RAP1A: variants seen among roughly 807,000 people sequenced by gnomAD.
RAP1A encodes ras-related protein Rap-1A.
A neutral mutation model predicts 26.4 loss-of-function variants in RAP1A; 6 were observed. The ratio of observed to expected loss-of-function variants is 0.23; its 90% CI spans 0.12 to 0.45. The LOEUF (loss-of-function observed/expected upper bound fraction) is 0.45. RAP1A is among the 20% of genes least tolerant of loss of function. The probability of loss-of-function intolerance (pLI) is 0.99; values close to 1 mark genes in which losing one functional copy is unlikely to be tolerated. For synonymous variants in RAP1A, 73 were observed against 79.4 expected (o/e 0.92, Z 0.43); for missense variants, 121 against 217.2 (o/e 0.56, Z 2.78).
Position 111,656,383 on chromosome 1 carries a change from AAAAT to A in RAP1A, c.-27-34944_-27-34941del, listed in dbSNP as rs544452709. Among the ~76,000 whole-genome samples, 32 of 152,342 alleles carry A rather than the reference AAAAT, an allele frequency of 2.1e-4. 1 individual carries two copies. In the East Asian group the frequency reaches 5.6e-3, roughly 27 times the overall value. ...GTTTGATTAATAAGTATCTACTATA[AAAAT>A]AAATAAGGCAAAACCCTTTTTGAAA... is the stretch of plus-strand genomic sequence containing the variant. On this transcript the variant is annotated intron_variant, in intron 1 of 7. Coordinates refer to ENST00000369709, the MANE Select transcript of RAP1A (RefSeq NM_002884.4).
upstream of RAP1A, among the ~76,000 whole-genome samples, chr1:111,614,790 C>A (rs534473324): frequency 7.2e-5 from 11 of 152,210 alleles, no homozygotes; most frequent in South Asian, 1.0e-3. Flanking sequence ...TTGAAGAGTA[C>A]CTTATTTTAT....
intron 1 of RAP1A, among the ~76,000 whole-genome samples, chr1:111,574,136 T>C (rs1658102628): frequency 6.6e-6 from 1 of 152,190 alleles, no homozygotes; most frequent in Admixed American, 6.5e-5. Flanking sequence ...TTTTTGTATA[T>C]AGTGTAAAGA....
intron 4 of RAP1A, among the ~76,000 whole-genome samples, chr1:111,702,490 T>C (rs1231879486): frequency 6.6e-6 from 1 of 152,102 alleles, no homozygotes; most frequent in East Asian, 1.9e-4. Context: ...CTAAAGGGGA[T>C]AGATAGTCAT....
chr1:111,579,423 G>A (rs1658209585), intron 1 of RAP1A, among the ~76,000 whole-genome samples: 1 of 152,186 alleles, frequency 6.6e-6, no homozygotes, highest in East Asian at 1.9e-4. Context: ...CATATCACAA[G>A]GGGAAAGGGA....
intron 1 of RAP1A, among the ~76,000 whole-genome samples, chr1:111,581,334 A>G (rs990970817): frequency 2.0e-5 from 3 of 152,216 alleles, no homozygotes; most frequent in Admixed American, 1.3e-4. Context: ...AAAGTTCTAC[A>G]GCAGTTTTTC....
intron 1 of RAP1A, chr1:111,648,981 T>A: frequency 1.6e-6 from 1 of 635,720 alleles, no homozygotes; most frequent in Non-Finnish European, 3.0e-6. Context: ...GATCTCTGGC[T>A]TCAGCTGCAG....
intron 2 of RAP1A, among the ~76,000 whole-genome samples, chr1:111,692,379 T>C (rs1167275875): frequency 6.6e-6 from 1 of 152,208 alleles, no homozygotes; most frequent in Non-Finnish European, 1.5e-5. Flanking sequence ...ATCAATATGG[T>C]GATGATATTT....
At chr1:111,655,576 T>C (rs2746444) in intron 1 of RAP1A, among the ~76,000 whole-genome samples, 9,229 of 151,152 alleles carry the variant, frequency 0.061, 301 homozygotes, top group South Asian at 0.087. Context: ...AGGGATATGG[T>C]GAAATGGGAC....
rs565455088 is a variant in RAP1A, at chr1:111,716,588, G to C, written c.*4187G>C. ...TGAGAAGCGGCCTCCTGTGGTTCTG[G>C]GCCCAAGGTGTGACATACATTTCCC... On this transcript the variant is annotated 3_prime_UTR_variant, in exon 8 of 8. Transcript: ENST00000369709. 23 of 152,218 alleles carry C rather than the reference G, an allele frequency of 1.5e-4. No homozygotes were observed. The South Asian group carries it at 4.6e-3, about 30-fold the overall frequency. 9.4% of individuals were successfully genotyped at this position (152,218 alleles called of 1,614,324 possible).
chr1:111,691,197 G>A (rs1661654628), intron 1 of RAP1A, 137 bp from the exon 2 acceptor site: 4 of 440,088 alleles, frequency 9.1e-6, no homozygotes, highest in Middle Eastern at 5.6e-4. Flanking sequence ...TATGGATTTT[G>A]CCATGTAGCT....
intron 1 of RAP1A, among the ~76,000 whole-genome samples, chr1:111,588,693 T>C (rs1290381980): frequency 1.3e-5 from 2 of 152,196 alleles, no homozygotes; most frequent in Non-Finnish European, 2.9e-5. Flanking sequence ...AAGCATCTTT[T>C]CCCTAGGAAG....
chr1:111,712,944 A>T lies in RAP1A; in HGVS notation c.*543A>T, dbSNP rs373098232. Reference sequence around the variant, plus strand: ...TATATTCTAATTAAAATTGTGCATAATGCTTTGGAAAAATGGGTCTTTTAT... The same window carrying T: ...TATATTCTAATTAAAATTGTGCATATTGCTTTGGAAAAATGGGTCTTTTAT... On this transcript the variant is annotated 3_prime_UTR_variant, in exon 8 of 8. Transcript: ENST00000369709. 2.0e-5 allele frequency: 3 copies of T among 152,538 alleles called. No individual in the cohort carries two copies. The East Asian group carries it at 5.8e-4, about 29-fold the overall frequency. The allele number at this position is 152,538 out of a possible 1,614,324, so 9.4% of individuals were successfully genotyped here. A position where few individuals can be genotyped will look rare whatever the true frequency, so the allele number is the denominator to read the frequency against.
At chr1:111,620,440 C>CG (rs879530725) in intron 1 of RAP1A, among the ~76,000 whole-genome samples, 3 of 142,452 alleles carry the variant, frequency 2.1e-5, no homozygotes, top group Non-Finnish European at 3.1e-5. Flanking sequence ...CCCGCGGGGG[C>CG]GGGGGGGAGG....
intron 1 of RAP1A, among the ~76,000 whole-genome samples, chr1:111,562,345 T>C (rs759993121): frequency 1.3e-5 from 2 of 152,210 alleles, no homozygotes; most frequent in Non-Finnish European, 2.9e-5. Flanking sequence ...TTATACCTTA[T>C]CTTTGACCCC....
intron 1 of RAP1A, among the ~76,000 whole-genome samples, chr1:111,555,993 G>A (rs1253784959): frequency 1.3e-5 from 2 of 152,114 alleles, no homozygotes; most frequent in South Asian, 2.1e-4. Context: ...CAGAATGGGA[G>A]AAAATATTTG....
At chr1:111,571,985 AC>A (rs1658056731) in intron 1 of RAP1A, among the ~76,000 whole-genome samples, 1 of 150,698 alleles carries the variant, frequency 6.6e-6, no homozygotes, top group Admixed American at 6.7e-5. Flanking sequence ...TAACAGAATG[AC>A]AGAAAGCAGG....
intron 1 of RAP1A, among the ~76,000 whole-genome samples, chr1:111,583,284 A>G (rs951726335): frequency 2.5e-5 from 2 of 80,194 alleles, no homozygotes; most frequent in Admixed American, 1.9e-4. Context: ...ATAAATGCTC[A>G]TGCTTTAAAA....
chr1:111,605,668 C>T (rs554840481), intron 1 of RAP1A, among the ~76,000 whole-genome samples: 1 of 152,220 alleles, frequency 6.6e-6, no homozygotes, highest in South Asian at 2.1e-4. Context: ...GCCAGAAATC[C>T]AAACACTGTT....
chr1:111,566,048 C>T lies in RAP1A; in HGVS notation c.-28+23539C>T, dbSNP rs183887054. On this transcript the variant is annotated intron_variant, in intron 1 of 7. Transcript: ENST00000356415. The stretch of plus-strand genomic sequence containing the variant: ...CCTGAAGTGCCAGCAAGCAGGTAGG[C>T]GGAGATGAGGAAGAAAAAATAAACA... 5.1e-3 allele frequency among the ~76,000 whole-genome samples: 768 copies of T among 151,680 alleles called. 9 individuals carry two copies. Among genetic ancestry groups the T allele is most frequent in the South Asian group, 0.026 (125 of 4,770 alleles).
Sources: gnomAD v4.1 joint callset for allele counts (sites outside exome capture counted in the v4.1 genomes callset) on GRCh38, gnomAD v4.1.1 for gene constraint, MANE v1.5 for transcripts, NCBI Gene and HGNC (gene_info 2026-07-23, HGNC 2026-07-21) for gene names.